LYST: variants seen among roughly 807,000 people sequenced by gnomAD.
LYST encodes the protein lysosomal-trafficking regulator.
LYST carries 192 observed loss-of-function variants against 413.6 expected under a neutral mutation model. The ratio of observed to expected loss-of-function variants is 0.46; its 90% CI spans 0.41 to 0.52. The LOEUF (loss-of-function observed/expected upper bound fraction) is 0.52. Among genes scored for constraint, LYST ranks in the 20% least tolerant of loss-of-function variants. The pLI is 0.00. For synonymous variants in LYST, 1,525 were observed against 1,567.3 expected (o/e 0.97, Z 0.64); for missense variants, 3,815 against 4,499.9 (o/e 0.85, Z 4.35).
intron 1 of LYST, among the ~76,000 whole-genome samples, chr1:235,850,383 G>T (rs1678386581): frequency 1.3e-5 from 2 of 152,250 alleles, no homozygotes; most frequent in South Asian, 2.1e-4. Context: ...AACTACACAT[G>T]TACTAAGGAC....
At chr1:235,883,650 C>T (rs141394101), upstream of LYST, 1 of 152,460 alleles carries the variant, frequency 6.6e-6, no homozygotes, top group South Asian at 2.1e-4. Context: ...GTTGCTTTTT[C>T]GTTTGGTAAC....
At chr1:235,668,701 C>T (rs925025792) in intron 50 of LYST, among the ~76,000 whole-genome samples, 1 of 152,178 alleles carries the variant, frequency 6.6e-6, no homozygotes, top group African/African-American at 2.4e-5. Context: ...CTTTCAAACA[C>T]TGCCAAAACA....
chr1:235,748,305 T>C (rs187058895), intron 28 of LYST, among the ~76,000 whole-genome samples: 1 of 152,196 alleles, frequency 6.6e-6, no homozygotes, highest in Admixed American at 6.5e-5. Context: ...ATGTGTAAAG[T>C]TTTTCATACT....
intron 3 of LYST, among the ~76,000 whole-genome samples, chr1:235,825,416 A>G (rs1675216688): frequency 6.6e-6 from 1 of 152,214 alleles, no homozygotes; most frequent in Admixed American, 6.5e-5. Flanking sequence ...TTCACAGATG[A>G]CATCATTATT....
chr1:235,850,892 C>T (rs755151833), intron 1 of LYST, among the ~76,000 whole-genome samples: 4 of 152,028 alleles, frequency 2.6e-5, no homozygotes, highest in Non-Finnish European at 4.4e-5. Context: ...TTGGCATGGA[C>T]GTGGTGAACA....
intron 5 of LYST, among the ~76,000 whole-genome samples, chr1:235,808,016 T>C (rs1044641642): frequency 1.4e-4 from 21 of 152,204 alleles, no homozygotes; most frequent in African/African-American, 4.8e-4. Context: ...CAATATGATC[T>C]TTGTAAACAT....
At chr1:235,837,176 T>A (rs538277658) in intron 1 of LYST, among the ~76,000 whole-genome samples, 83 of 152,284 alleles carry the variant, frequency 5.5e-4, no homozygotes, top group African/African-American at 1.9e-3. Context: ...AGCCCTGGGC[T>A]TAGCATGGCT....
chr1:235,729,766 G>A (rs1167855418), intron 36 of LYST, 109 bp from the exon 37 acceptor site: 7 of 766,378 alleles, frequency 9.1e-6, no homozygotes, highest in Non-Finnish European at 1.4e-5. Context: ...ACTAGATAGA[G>A]TTCCAATAGC....
chr1:235,669,252 C>T (rs1390411848), intron 50 of LYST, among the ~76,000 whole-genome samples: 2 of 152,190 alleles, frequency 1.3e-5, no homozygotes, highest in African/African-American at 2.4e-5. Context: ...TCCAGATACC[C>T]CCCAACTCTC....
chr1:235,731,620 G>A (rs974695382), intron 34 of LYST, among the ~76,000 whole-genome samples: 1 of 146,892 alleles, frequency 6.8e-6, no homozygotes, highest in Non-Finnish European at 1.5e-5. Context: ...GTGCAGTGGC[G>A]TGATCTTGGC....
intron 41 of LYST, 103 bp downstream of exon 41, chr1:235,716,609 G>C: frequency 1.4e-6 from 1 of 721,700 alleles, no homozygotes; most frequent in Non-Finnish European, 2.5e-6. Context: ...AGTACAAGAA[G>C]GTAAAAAATC....
chr1:235,798,306 A>T (rs555648148), intron 10 of LYST, among the ~76,000 whole-genome samples: 1 of 152,234 alleles, frequency 6.6e-6, no homozygotes, highest in Admixed American at 6.5e-5. Flanking sequence ...ACTTCAGTTA[A>T]TAATAACATA....
chr1:235,850,548 GC>G (rs1318097770), intron 1 of LYST, among the ~76,000 whole-genome samples: 1 of 152,146 alleles, frequency 6.6e-6, no homozygotes, highest in Admixed American at 6.6e-5. Flanking sequence ...AAACTAAAGA[GC>G]TTTTGCATGG....
rs1019021614 is a variant in LYST at position 235,854,166 on chromosome 1, C to T, written c.-98+12677G>A. Among the ~76,000 whole-genome samples the T allele has an allele frequency of 4.6e-5, 7 of 152,146 alleles. No individual in the cohort carries two copies. The highest frequency in any genetic ancestry group is 1.4e-4 in the African/African-American group (6 of 41,416). ...TAACACCTACAGTGATTAATTACTA[C>T]ACATCAGGCACTATTGTAAGCACTC... On this transcript the variant is annotated intron_variant, in intron 1 of 52. Coordinates refer to ENST00000389793, the MANE Select transcript of LYST (RefSeq NM_000081.4). This position sits in a 1 kb window ranked among gnomAD's most constrained non-coding sequence, Gnocchi z 4.1.
chr1:235,771,942 G>A (rs1387824343), intron 19 of LYST, among the ~76,000 whole-genome samples: 7 of 79,250 alleles, frequency 8.8e-5, no homozygotes, highest in African/African-American at 1.4e-4. Flanking sequence ...TTTTTTTTTG[G>A]CCAGGCATGG....
Position 235,793,489 on chromosome 1 carries a change from T to C in LYST, c.4116+14A>G. 8.5e-7 allele frequency: 1 copy of C among 1,179,708 alleles called. No homozygotes were observed. Among genetic ancestry groups the C allele is most frequent in the South Asian group, 1.3e-5 (1 of 74,508 alleles). 73.1% of individuals were successfully genotyped at this position (1,179,708 alleles called of 1,614,324 possible). ...ATTTATCAGTGAAAAATGTAAAAAT[T>C]ATAGCATATTTACTGTACAAGGAGA... On this transcript the variant is annotated intron_variant, in intron 11 of 52. Coordinates refer to ENST00000389793, the MANE Select transcript of LYST (RefSeq NM_000081.4).
intron 7 of LYST, among the ~76,000 whole-genome samples, chr1:235,803,289 A>G (rs1379761415): frequency 6.6e-6 from 1 of 152,180 alleles, no homozygotes; most frequent in Non-Finnish European, 1.5e-5. Context: ...AAAGTAAGTT[A>G]TAGGTCATTT....
intron 31 of LYST, chr1:235,738,057 CA>C: frequency 6.3e-7 from 1 of 1,587,386 alleles, no homozygotes; most frequent in Non-Finnish European, 8.6e-7. Context: ...ACAGATCCTC[CA>C]GAATAAGATT....
intron 3 of LYST, among the ~76,000 whole-genome samples, chr1:235,815,280 A>G (rs140159024): frequency 5.2e-4 from 79 of 152,324 alleles, no homozygotes; most frequent in African/African-American, 1.8e-3. Context: ...CATGAAGCCT[A>G]CTTCCTAGCA....
Sources: allele counts gnomAD v4.1 joint callset (sites outside exome capture counted in the v4.1 genomes callset), GRCh38; gene constraint gnomAD v4.1.1; non-coding constraint Gnocchi (gnomAD v3.1); transcripts MANE v1.5; gene names NCBI Gene and HGNC (gene_info 2026-07-23, HGNC 2026-07-21).